Variants in SMC6 observed in about 807,000 individuals in gnomAD.
SMC6 encodes the protein structural maintenance of chromosomes protein 6.
A neutral mutation model predicts 142.2 loss-of-function variants in SMC6; 79 were observed. The ratio of observed to expected loss-of-function variants is 0.56; its 90% CI spans 0.46 to 0.67. SMC6 has a LOEUF of 0.67. SMC6 is among the 30% of genes least tolerant of loss of function. SMC6 has a pLI of 0.00. For missense variants in SMC6, 1,072 were observed against 1,284.0 expected (o/e 0.83, Z 2.52); for synonymous variants, 411 against 412.4 (o/e 1.00, Z 0.04).
At chr2:17,730,113 T>C (rs1053761813) in intron 7 of SMC6, among the ~76,000 whole-genome samples, 1 of 152,230 alleles carries the variant, frequency 6.6e-6, no homozygotes, top group African/African-American at 2.4e-5. Flanking sequence ...AGTAACCACG[T>C]CTAGACAGCC....
intron 9 of SMC6, among the ~76,000 whole-genome samples, chr2:17,723,698 A>C (rs1301665615): frequency 6.6e-6 from 1 of 152,168 alleles, no homozygotes; most frequent in African/African-American, 2.4e-5. Context: ...CAAATTATTT[A>C]CCATCTATGT....
intron 7 of SMC6, among the ~76,000 whole-genome samples, chr2:17,730,371 C>T (rs79646138): frequency 0.013 from 1,760 of 138,164 alleles, 17 homozygotes; most frequent in Non-Finnish European, 0.018. Flanking sequence ...AAGAATTTAG[C>T]AACTTTAGAA....
At chr2:17,686,903 C>A (rs1667481303) in intron 23 of SMC6, among the ~76,000 whole-genome samples, 1 of 152,038 alleles carries the variant, frequency 6.6e-6, no homozygotes, top group African/African-American at 2.4e-5. Context: ...GTTCCGTGAA[C>A]AAAATTATTT....
At chr2:17,679,859 T>A (rs930430255) in intron 24 of SMC6, 11 of 152,256 alleles carry the variant, frequency 7.2e-5, no homozygotes, top group Non-Finnish European at 1.6e-4. Flanking sequence ...AAAATCTGCA[T>A]GGTAAGTCAC....
intron 25 of SMC6, among the ~76,000 whole-genome samples, chr2:17,671,502 G>A (rs1254930304): frequency 6.7e-6 from 1 of 150,308 alleles, no homozygotes; most frequent in East Asian, 2.0e-4. Context: ...CCAACTACTT[G>A]GGAGGCTGAG....
intron 2 of SMC6, among the ~76,000 whole-genome samples, chr2:17,748,431 A>C (rs1670860858): frequency 1.3e-5 from 2 of 152,242 alleles, no homozygotes; most frequent in African/African-American, 4.8e-5. Flanking sequence ...CTTACCATCC[A>C]AAGAAGGATA....
At chr2:17,750,826 C>A (rs1670989360) in intron 2 of SMC6, among the ~76,000 whole-genome samples, 1 of 146,310 alleles carries the variant, frequency 6.8e-6, no homozygotes, top group African/African-American at 2.6e-5. Flanking sequence ...CATGGTGAAA[C>A]CCCATCTCTA....
chr2:17,733,056 T>A (rs1669985682), intron 5 of SMC6, among the ~76,000 whole-genome samples: 1 of 152,262 alleles, frequency 6.6e-6, no homozygotes, highest in Admixed American at 6.5e-5. Context: ...CATATGAGCA[T>A]CTGTCAAAAT....
chr2:17,708,089 CA>C (rs1458472513), intron 17 of SMC6, among the ~76,000 whole-genome samples: 1 of 151,810 alleles, frequency 6.6e-6, no homozygotes, highest in Non-Finnish European at 1.5e-5. Context: ...GTCTTGATTA[CA>C]GATTTGTTTT....
At position 17,727,954 on chromosome 2, in the gene SMC6, C is replaced by T. The variant is rs781473928; in HGVS notation, c.544-1485G>A. ...TCTGCCATATATTTTTTCACAAAGC[C>T]CCCCCAGCTCTTCATTTCATACTGC... On this transcript the variant is annotated intron_variant, in intron 7 of 27. Transcript: ENST00000448223. Among the ~76,000 whole-genome samples the T allele has an allele frequency of 1.8e-3, 274 of 152,166 alleles. 1 individual carries two copies. The highest frequency in any genetic ancestry group is 5.7e-3 in the Admixed American group (87 of 15,276).
At position 17,678,968 on chromosome 2, in the gene SMC6, G is replaced by C. The variant is rs756495440; in HGVS notation, c.2805-4C>G. 1.9e-5 allele frequency: 30 copies of C among 1,601,192 alleles called. No homozygotes were observed. Among genetic ancestry groups the C allele is most frequent in the Non-Finnish European group, 2.3e-5 (27 of 1,172,016 alleles). On this transcript the variant is annotated splice_polypyrimidine_tract_variant and splice_region_variant and intron_variant, in intron 24 of 27. Transcript: ENST00000448223. ...TTTGCATCGTAAAGTCAAACACCTT[G>C]AAATTTAAAAATTAGGCACATTAAA... is the stretch of plus-strand genomic sequence containing the variant.
At chr2:17,684,021 A>C (rs1176607425) in intron 23 of SMC6, among the ~76,000 whole-genome samples, 3 of 152,214 alleles carry the variant, frequency 2.0e-5, no homozygotes, top group Non-Finnish European at 4.4e-5. Context: ...GTGTGAACAA[A>C]TGCCCTGGTA....
At chr2:17,734,902 T>A (rs1670076423) in intron 5 of SMC6, among the ~76,000 whole-genome samples, 1 of 152,150 alleles carries the variant, frequency 6.6e-6, no homozygotes, top group Non-Finnish European at 1.5e-5. Flanking sequence ...CAGCTAATTT[T>A]TGTATTTTTA....
chr2:17,716,813 T>C lies in SMC6; in HGVS notation c.1274A>G (p.Asn425Ser). 1 of 1,613,744 alleles carries C rather than the reference T, an allele frequency of 6.2e-7. No individual in the cohort carries two copies. Among genetic ancestry groups the C allele is most frequent in the Admixed American group, 1.7e-5 (1 of 59,996 alleles). The change falls in exon 14 of 28, where the codon AAT (asparagine) becomes AGT (serine). Residue 425 changes from asparagine to serine, a missense_variant. Asn to Ser is a conservative substitution (Grantham distance 46). Around this residue, in one of 3 missense-constraint regions of SMC6, gnomAD observed 994 missense variants for 1,153.2 expected, o/e 0.86. Coordinates refer to ENST00000448223, the MANE Select transcript of SMC6 (RefSeq NM_001142286.2). ...ERVKAFQNQE[N>S]SVNQEIEQFQ... ...CTGTTCGATCTCTTGATTGACTGAATTTTCTTGATTTTGAAAGGCCTTTAC... is the reference window on the plus strand; with the variant it reads ...CTGTTCGATCTCTTGATTGACTGAACTTTCTTGATTTTGAAAGGCCTTTAC...
chr2:17,671,505 AG>A, intron 25 of SMC6, among the ~76,000 whole-genome samples: 1 of 147,322 alleles, frequency 6.8e-6, no homozygotes, highest in South Asian at 2.2e-4. Flanking sequence ...ACTACTTGGG[AG>A]GCTGAGGTGG....
chr2:17,706,561 T>C (rs943876461), intron 18 of SMC6, among the ~76,000 whole-genome samples: 1 of 152,180 alleles, frequency 6.6e-6, no homozygotes, highest in East Asian at 1.9e-4. Context: ...TTTACTTAAG[T>C]CCTAAGTTCT....
intron 16 of SMC6, among the ~76,000 whole-genome samples, chr2:17,711,986 T>C (rs1668848830): frequency 6.6e-6 from 1 of 151,972 alleles, no homozygotes; most frequent in African/African-American, 2.4e-5. Context: ...TAACAGACTA[T>C]GAAGAGAGCT....
chr2:17,715,225 A>G (rs1669024227), intron 15 of SMC6, among the ~76,000 whole-genome samples, 160 bp from the exon 16 acceptor site: 1 of 152,220 alleles, frequency 6.6e-6, no homozygotes, highest in Non-Finnish European at 1.5e-5. Context: ...ATGATTTAAC[A>G]TACTTTTATA....
intron 9 of SMC6, among the ~76,000 whole-genome samples, chr2:17,724,515 G>A (rs1669523261): frequency 6.6e-6 from 1 of 152,160 alleles, no homozygotes; most frequent in African/African-American, 2.4e-5. Flanking sequence ...AACAAGATAT[G>A]GAATTACATA....
Sources: gnomAD v4.1 joint callset for allele counts (sites outside exome capture counted in the v4.1 genomes callset) on GRCh38, gnomAD v4.1.1 for gene constraint, gnomAD v4.1.1 regional missense constraint, MANE v1.5 for transcripts, NCBI Gene and HGNC (gene_info 2026-07-23, HGNC 2026-07-21) for gene names.